USP54: variants seen among roughly 807,000 people sequenced by gnomAD.
USP54 encodes ubiquitin carboxyl-terminal hydrolase 54.
Under a neutral mutation model 170.5 loss-of-function variants are expected in USP54, and 87 were observed. That is an observed-to-expected ratio of 0.51 (90% CI 0.43 to 0.61). USP54 has a LOEUF of 0.61. USP54 is among the 20% of genes least tolerant of loss of function. The pLI is 0.00. For missense variants in USP54, 1,786 were observed against 2,047.8 expected (o/e 0.87, Z 2.47); for synonymous variants, 655 against 742.8 (o/e 0.88, Z 1.92).
chr10:73,572,203 A>C (rs1564877749), intron 3 of USP54, among the ~76,000 whole-genome samples: 1 of 152,168 alleles, frequency 6.6e-6, no homozygotes, highest in Non-Finnish European at 1.5e-5. Flanking sequence ...AAAATACTTG[A>C]TCAGTACTCC....
At position 73,517,702 on chromosome 10, in the gene USP54, T is replaced by G. The variant is rs779912771; in HGVS notation, c.2724A>C (p.Gln908His). 3.1e-6 allele frequency: 5 copies of G among 1,614,016 alleles called. No homozygotes were observed. The African/African-American group carries it at 6.7e-5, about 22-fold the overall frequency. The stretch of plus-strand genomic sequence containing the variant: ...ACTCTGTATCCATGCCGGATTCCAG[T>G]TGGGCCTCTTGGCTTAACAATACTT... ...PLQVLLSQEA[Q>H]LESGMDTEFG... The change falls in exon 20 of 24, where the codon CAA (glutamine) becomes CAC (histidine). Residue 908 changes from glutamine (Q) to histidine (H), a missense_variant. Gln to His is a conservative substitution (Grantham distance 24). This residue lies in a region of USP54 where 1,418 missense variants were observed against 1,569.0 expected (regional missense o/e 0.90). Coordinates refer to ENST00000687698, the MANE Select transcript of USP54 (RefSeq NM_001391956.1).
intron 1 of USP54, among the ~76,000 whole-genome samples, chr10:73,610,003 CTG>C (rs1048127512): frequency 1.7e-4 from 25 of 147,712 alleles, no homozygotes; most frequent in African/African-American, 6.0e-4. Flanking sequence ...GAGCAAGACT[CTG>C]TCTCCAAAAA....
chr10:73,592,882 A>G (rs563343689), upstream of USP54, among the ~76,000 whole-genome samples: 2 of 152,352 alleles, frequency 1.3e-5, no homozygotes, highest in African/African-American at 4.8e-5. Flanking sequence ...AAACTCTGCT[A>G]TGATACTCAC....
At chr10:73,547,546 T>C (rs2068138953) in intron 4 of USP54, among the ~76,000 whole-genome samples, 1 of 152,006 alleles carries the variant, frequency 6.6e-6, no homozygotes, top group Non-Finnish European at 1.5e-5. Context: ...TATAGACCAA[T>C]GGAACAGAAC....
At chr10:73,530,891 C>T (rs2063828665) in intron 12 of USP54, 56 bp from the exon 13 acceptor site, 19 of 1,606,836 alleles carry the variant, frequency 1.2e-5, no homozygotes, top group Non-Finnish European at 1.4e-5. Flanking sequence ...CTCCACCCTC[C>T]TGAGAACCTA....
At chr10:73,528,037 G>C (rs1314363251) in intron 15 of USP54, among the ~76,000 whole-genome samples, 1 of 152,100 alleles carries the variant, frequency 6.6e-6, no homozygotes, top group Non-Finnish European at 1.5e-5. Context: ...CCGGGTTCAA[G>C]TGATTCTCCT....
chr10:73,539,000 G>A (rs967989088), intron 10 of USP54, among the ~76,000 whole-genome samples: 2 of 151,924 alleles, frequency 1.3e-5, no homozygotes, highest in Non-Finnish European at 2.9e-5. Context: ...TATAAAATAC[G>A]CCGGGCACAG....
chr10:73,498,929 C>T lies in USP54; in HGVS notation c.4755G>A (p.Gln1585=). 1 of 1,614,184 alleles carries T rather than the reference C, an allele frequency of 6.2e-7. No individual in the cohort carries two copies. Among genetic ancestry groups the T allele is most frequent in the South Asian group, 1.1e-5 (1 of 91,076 alleles). ...RSKGLQVPHT[Q]SWSDLFHSPS... is the part of the protein sequence containing the mutation. Reference sequence around the variant, plus strand: ...GTGAATGGAAAAGATCACTCCAGGACTGAGTGTGAGGAACCTGAAGGCCCT... The same window carrying T: ...GTGAATGGAAAAGATCACTCCAGGATTGAGTGTGAGGAACCTGAAGGCCCT... The change falls in exon 24 of 24, where the codon CAG becomes CAA. Residue 1585 remains glutamine (Q), a synonymous_variant. Coordinates refer to ENST00000687698, the MANE Select transcript of USP54 (RefSeq NM_001391956.1).
chr10:73,602,638 C>A (rs1287502382), intron 1 of USP54, among the ~76,000 whole-genome samples: 1 of 151,538 alleles, frequency 6.6e-6, no homozygotes, highest in Admixed American at 6.6e-5. Context: ...GCGGGTGGAT[C>A]ACCTGAGGTC....
chr10:73,553,859 C>T (rs140174076), intron 4 of USP54, among the ~76,000 whole-genome samples: 1 of 152,264 alleles, frequency 6.6e-6, no homozygotes, highest in East Asian at 1.9e-4. Flanking sequence ...TTCTTGGATG[C>T]AGTACAAAAG....
chr10:73,552,193 G>A (rs1442342893), intron 4 of USP54, among the ~76,000 whole-genome samples: 1 of 152,104 alleles, frequency 6.6e-6, no homozygotes, highest in Non-Finnish European at 1.5e-5. Flanking sequence ...TTTTAAAAGA[G>A]AGTTTAATAA....
At chr10:73,552,715 C>T (rs955130627) in intron 4 of USP54, among the ~76,000 whole-genome samples, 75 of 151,922 alleles carry the variant, frequency 4.9e-4, no homozygotes, top group African/African-American at 1.7e-3. Flanking sequence ...TGCTTGAACC[C>T]GGGAGGTGGA....
chr10:73,526,648 A>G lies in USP54; in HGVS notation c.2193T>C (p.Ser731=). 2 of 1,613,940 alleles carry G rather than the reference A, an allele frequency of 1.2e-6. No individual in the cohort carries two copies. The highest frequency in any genetic ancestry group is 1.7e-6 in the Non-Finnish European group (2 of 1,179,952). The change falls in exon 16 of 24, where the codon TCT becomes TCC. Residue 731 remains serine (S), a splice_region_variant and synonymous_variant. Coordinates refer to ENST00000687698, the MANE Select transcript of USP54 (RefSeq NM_001391956.1). ...MGGWTKSQPF[S]GEEISSKSEL... ...CAAATTCAGTGTCATTCTGCTTACC[A>G]GAGAAAGGCTGACTCTTTGTCCAGC...
chr10:73,624,175 TATATATA>T (rs1564974688), intron 1 of USP54, among the ~76,000 whole-genome samples: 43 of 116,602 alleles, frequency 3.7e-4, no homozygotes, highest in East Asian at 1.4e-3. Flanking sequence ...TATATATATA[TATATATA>T]TATATATATA....
intron 4 of USP54, among the ~76,000 whole-genome samples, chr10:73,552,007 T>C (rs1442285837): frequency 6.6e-6 from 1 of 152,158 alleles, no homozygotes; most frequent in Non-Finnish European, 1.5e-5. Context: ...TCACTTTGTG[T>C]TCTGTGTGGT....
rs2076054443 is a variant in USP54, at chr10:73,575,914, T to C, written c.-134A>G. On this transcript the variant is annotated 5_prime_UTR_variant, in exon 2 of 24. Transcript: ENST00000687698. ...AAAATGTAACATGGCACAGGACTAA[T>C]GCAAACAGAGAAATCCTTAAGTATT... 6.5e-6 allele frequency: 2 copies of C among 308,600 alleles called. No homozygotes were observed. Among genetic ancestry groups the C allele is most frequent in the East Asian group, 5.8e-5 (1 of 17,234 alleles). The allele number at this position is 308,600 out of a possible 1,614,324, so 19.1% of individuals were successfully genotyped here.
intron 15 of USP54, 40 bp downstream of exon 15, chr10:73,529,640 C>A (rs1200790434): frequency 6.2e-7 from 1 of 1,610,156 alleles, no homozygotes; most frequent in African/African-American, 1.3e-5. Context: ...GCTCACATTG[C>A]TGCAAGAGAC....
In USP54 at chr10:73,530,773, G is replaced by C. The variant is rs376199279; in HGVS notation, c.1378C>G (p.Arg460Gly). 1 of 1,614,060 alleles carries C rather than the reference G, an allele frequency of 6.2e-7. No individual in the cohort carries two copies. The highest frequency in any genetic ancestry group is 8.5e-7 in the Non-Finnish European group (1 of 1,179,950). The stretch of plus-strand genomic sequence containing the variant: ...CTAACCCGACCAGAGCTCCTCTTGC[G>C]CTCTATCAGTGACCCTTTCTTGGAT... ...HTSKKGSLIE[R>G]KRSSGRVRRK... Residue 460 changes from arginine to glycine, a missense_variant, in exon 13 of 24, where the codon CGC becomes GGC. By Grantham distance (125) the Arg-to-Gly change is moderately radical. Transcript: ENST00000687698.
chr10:73,548,497 C>T (rs1014814845), intron 4 of USP54, among the ~76,000 whole-genome samples: 2 of 152,170 alleles, frequency 1.3e-5, no homozygotes, highest in African/African-American at 4.8e-5. Flanking sequence ...CCATCAATGA[C>T]AGACTGGATT....
Sources: allele counts gnomAD v4.1 joint callset (sites outside exome capture counted in the v4.1 genomes callset), GRCh38; gene constraint gnomAD v4.1.1; regional missense constraint gnomAD v4.1.1; transcripts MANE v1.5; gene names NCBI Gene and HGNC (gene_info 2026-07-23, HGNC 2026-07-21).